CCDC178: variants seen among roughly 807,000 people sequenced by gnomAD.
The protein encoded by CCDC178 is coiled-coil domain containing 178.
A neutral mutation model predicts 117.4 loss-of-function variants in CCDC178; 126 were observed. That is an observed-to-expected ratio of 1.07 (90% CI 0.93 to 1.24). The LOEUF (loss-of-function observed/expected upper bound fraction) is 1.24. Ranked by LOEUF, CCDC178 falls within the 50% of genes most tolerant of loss-of-function variation. The pLI, the probability that CCDC178 is intolerant of heterozygous loss-of-function variation, is 0.00. For synonymous variants in CCDC178, 283 were observed against 313.4 expected, an observed-to-expected ratio of 0.90 and a Z score of 1.02; for missense variants, 1,030 against 986.9, an observed-to-expected ratio of 1.04 and a Z score of -0.59.
rs1273856030 is a variant in CCDC178 at position 33,198,995 on chromosome 18, T to C, written c.2238+12901A>G. Among the ~76,000 whole-genome samples the C allele has an allele frequency of 1.6e-4, 24 of 152,096 alleles. 1 individual carries two copies. Among genetic ancestry groups the C allele is most frequent in the Admixed American group, 1.6e-3 (24 of 15,264 alleles). Reference sequence around the variant, plus strand: ...TGTATTTAATGTAGCAGGAACTCAATATATATTCATTAATTGAACTAACAA... The same window carrying C: ...TGTATTTAATGTAGCAGGAACTCAACATATATTCATTAATTGAACTAACAA... On this transcript the variant is annotated intron_variant, in intron 20 of 22. Coordinates refer to ENST00000383096, the MANE Select transcript of CCDC178 (RefSeq NM_001105528.4).
At chr18:33,370,868 G>A (rs2063287790) in intron 5 of CCDC178, among the ~76,000 whole-genome samples, 1 of 152,012 alleles carries the variant, frequency 6.6e-6, no homozygotes, top group Non-Finnish European at 1.5e-5. Context: ...TCGACTGAAG[G>A]TTGCAGAAGC....
Position 33,092,829 on chromosome 18 carries a change from T to G in CCDC178, c.2320A>C (p.Lys774Gln). 6.3e-7 allele frequency: 1 copy of G among 1,574,804 alleles called. No homozygotes were observed. Among genetic ancestry groups the G allele is most frequent in the Non-Finnish European group, 8.7e-7 (1 of 1,152,902 alleles). Residue 774 changes from lysine (K) to glutamine (Q), a missense_variant, in exon 21 of 23, where the codon AAG becomes CAG. Lys to Gln is a moderately conservative substitution (Grantham distance 53). Transcript: ENST00000383096. The part of the protein sequence containing the change: ...QQLQITFLKE[K>Q]DNYFNIYDKQ... Reference sequence around the variant, plus strand: ...TCATATATATTGAAATAATTGTCCTTTTCTTTTAAGAATGTAATCTGTAGC... The same window carrying G: ...TCATATATATTGAAATAATTGTCCTGTTCTTTTAAGAATGTAATCTGTAGC...
At chr18:33,233,493 G>A (rs1008930799) in intron 15 of CCDC178, among the ~76,000 whole-genome samples, 1 of 152,018 alleles carries the variant, frequency 6.6e-6, no homozygotes, top group East Asian at 1.9e-4. Flanking sequence ...CTATCATTAT[G>A]TTCAACGTGT....
chr18:33,181,771 G>T (rs2058735280), intron 20 of CCDC178, among the ~76,000 whole-genome samples: 1 of 151,840 alleles, frequency 6.6e-6, no homozygotes, highest in South Asian at 2.1e-4. Flanking sequence ...CCTAAATTCT[G>T]TGTTGCTATA....
chr18:33,304,335 G>A (rs1376763346), intron 11 of CCDC178, among the ~76,000 whole-genome samples: 1 of 152,092 alleles, frequency 6.6e-6, no homozygotes, highest in African/African-American at 2.4e-5. Context: ...AAAGGTGGGT[G>A]GACTGAAACT....
intron 21 of CCDC178, among the ~76,000 whole-genome samples, chr18:33,014,554 C>A (rs1304512093): frequency 6.6e-6 from 1 of 152,222 alleles, no homozygotes; most frequent in Non-Finnish European, 1.5e-5. Context: ...CAATGTTCCA[C>A]TTTCTTACTG....
At chr18:33,208,366 A>T (rs1202863734) in intron 20 of CCDC178, among the ~76,000 whole-genome samples, 1 of 151,732 alleles carries the variant, frequency 6.6e-6, no homozygotes, top group East Asian at 1.9e-4. Context: ...AGAATATGTC[A>T]TTTTTTTTAC....
At chr18:33,126,402 C>T (rs964681830) in intron 20 of CCDC178, among the ~76,000 whole-genome samples, 4 of 148,136 alleles carry the variant, frequency 2.7e-5, no homozygotes, top group African/African-American at 4.9e-5. Flanking sequence ...TACATATATA[C>T]ACATATTAAA....
rs2063277806 is a variant in CCDC178 at position 33,370,168 on chromosome 18, A to C, written c.230T>G (p.Phe77Cys). 1 of 1,603,460 alleles carries C rather than the reference A, an allele frequency of 6.2e-7. No individual in the cohort carries two copies. Among genetic ancestry groups the C allele is most frequent in the Non-Finnish European group, 8.5e-7 (1 of 1,175,404 alleles). The change falls in exon 6 of 23, where the codon TTT becomes TGT. Residue 77 changes from phenylalanine (F) to cysteine (C), a missense_variant. By Grantham distance (205) the Phe-to-Cys change is radical. Coordinates refer to ENST00000383096, the MANE Select transcript of CCDC178 (RefSeq NM_001105528.4). ...GCTGTGACGTCGACATGGGTAGCTA[A>C]AGTAAATGCCTTTATTCACCCCTAA... ...NTEGVNKGIY[F>C]SYPCRRHSCA...
chr18:33,387,781 T>C (rs1471924027), intron 5 of CCDC178, among the ~76,000 whole-genome samples: 2 of 152,082 alleles, frequency 1.3e-5, no homozygotes, highest in Admixed American at 6.6e-5. Flanking sequence ...TAGGCAATAC[T>C]ATTCAGGACA....
chr18:33,077,916 C>T (rs1461395076), intron 21 of CCDC178, among the ~76,000 whole-genome samples: 20 of 152,122 alleles, frequency 1.3e-4, no homozygotes, highest in Admixed American at 1.3e-3. Context: ...GGGACTCCTC[C>T]CCAACTCATT....
chr18:33,223,177 T>C lies in CCDC178; in HGVS notation c.1861A>G (p.Lys621Glu). Residue 621 changes from lysine (K) to glutamate (E), a missense_variant, in exon 18 of 23, where the codon AAG becomes GAG. Transcript: ENST00000383096. ...IIDQKDLIRR[K>E]VGKVKKKLRK... The stretch of plus-strand genomic sequence containing the variant: ...AATTTTTTCTTTACTTTTCCCACCT[T>C]TCTTCTAATAAGATCTTTCTGATCA... The C allele has an allele frequency of 1.2e-6, 2 of 1,608,110 alleles. No individual in the cohort carries two copies. The highest frequency in any genetic ancestry group is 1.7e-6 in the Non-Finnish European group (2 of 1,176,650).
chr18:33,355,726 A>G (rs1568171849), intron 7 of CCDC178, among the ~76,000 whole-genome samples: 4 of 152,196 alleles, frequency 2.6e-5, no homozygotes, highest in African/African-American at 7.2e-5. Flanking sequence ...TATGGCAAGT[A>G]TATGCCTTTA....
chr18:33,001,911 C>T (rs1376750110), intron 21 of CCDC178, among the ~76,000 whole-genome samples: 2 of 151,918 alleles, frequency 1.3e-5, no homozygotes, highest in African/African-American at 4.8e-5. Context: ...GGATTTCAGG[C>T]AAAAACTACA....
intron 20 of CCDC178, among the ~76,000 whole-genome samples, chr18:33,102,158 A>AG (rs1431858806): frequency 6.6e-6 from 1 of 151,754 alleles, no homozygotes; most frequent in Non-Finnish European, 1.5e-5. Flanking sequence ...ATTTAAAAAA[A>AG]TTTTTCTACA....
chr18:33,416,412 G>A (rs2063942002), intron 2 of CCDC178, among the ~76,000 whole-genome samples: 1 of 146,176 alleles, frequency 6.8e-6, no homozygotes, highest in South Asian at 2.3e-4. Flanking sequence ...GGGTGACAGA[G>A]CCAGACTCTG....
chr18:33,038,566 T>C (rs1406265063), intron 21 of CCDC178, among the ~76,000 whole-genome samples: 1 of 152,032 alleles, frequency 6.6e-6, no homozygotes, highest in African/African-American at 2.4e-5. Context: ...ACTTAGAATG[T>C]CATGTTCTTT....
intron 13 of CCDC178, 34 bp downstream of exon 13, chr18:33,267,168 G>A (rs745459600): frequency 1.9e-5 from 29 of 1,542,782 alleles, no homozygotes; most frequent in African/African-American, 5.6e-5. Flanking sequence ...AGAAAATGGC[G>A]TTCTAAGTGG....
At position 32,941,721 on chromosome 18, in the gene CCDC178, T is replaced by C. The variant is rs191846325; in HGVS notation, c.2524-3630A>G. On this transcript the variant is annotated intron_variant, in intron 22 of 22. Transcript: ENST00000383096. ...GTGCAGATGGTAAAGGTATGGAAGT[T>C]AGGTCCTGCTACTGAGCTTAGACCA... 1.8e-3 allele frequency among the ~76,000 whole-genome samples: 278 copies of C among 152,308 alleles called. 1 individual carries two copies. The highest frequency in any genetic ancestry group is 3.0e-3 in the Non-Finnish European group (205 of 67,998).
Sources: gnomAD v4.1 joint callset for allele counts (sites outside exome capture counted in the v4.1 genomes callset) on GRCh38, gnomAD v4.1.1 for gene constraint, MANE v1.5 for transcripts, NCBI Gene and HGNC (gene_info 2026-07-23, HGNC 2026-07-21) for gene names.